The following DIP2C variants were observed in gnomAD, a reference collection of about 807,000 sequenced individuals.
DIP2C encodes the protein disco-interacting protein 2 homolog C.
Under a neutral mutation model 192.4 loss-of-function variants are expected in DIP2C, and 33 were observed. That is an observed-to-expected ratio of 0.17 (90% CI 0.13 to 0.23). DIP2C has a LOEUF of 0.23. Among genes scored for constraint, DIP2C ranks in the 10% least tolerant of loss-of-function variants. The pLI is 1.00. For missense variants in DIP2C, 1,537 were observed against 2,110.1 expected, an observed-to-expected ratio of 0.73 and a Z score of 5.32; for synonymous variants, 979 against 864.1, an observed-to-expected ratio of 1.13 and a Z score of -2.33.
chr10:531,726 T>C (rs2130861501), intron 1 of DIP2C, among the ~76,000 whole-genome samples: 1 of 152,138 alleles, frequency 6.6e-6, no homozygotes, highest in South Asian at 2.1e-4. Context: ...GCAGATATCA[T>C]ACGCTCTGCC....
chr10:393,755 G>A (rs1963679961), intron 10 of DIP2C, among the ~76,000 whole-genome samples: 1 of 140,062 alleles, frequency 7.1e-6, no homozygotes, highest in African/African-American at 2.7e-5. Context: ...CTCCAGCCTG[G>A]GTGACAGAGC....
At chr10:387,714 G>T in intron 14 of DIP2C, 31 bp downstream of exon 14, 1 of 1,612,730 alleles carries the variant, frequency 6.2e-7, no homozygotes, top group Admixed American at 1.7e-5. Flanking sequence ...ACTCCTTTGT[G>T]GACAGACACG....
At position 344,910 on chromosome 10, in the gene DIP2C, G is replaced by C. The variant is rs761834214; in HGVS notation, c.3352C>G (p.Pro1118Ala). 5.0e-6 allele frequency: 8 copies of C among 1,606,558 alleles called. No homozygotes were observed. The highest frequency in any genetic ancestry group is 6.8e-6 in the Non-Finnish European group (8 of 1,177,406). Residue 1118 changes from proline (P) to alanine (A), a missense_variant, in exon 28 of 37, where the codon CCA becomes GCA. By Grantham distance (27) the Pro-to-Ala change is conservative. Coordinates refer to ENST00000280886, the MANE Select transcript of DIP2C (RefSeq NM_014974.3). Reference sequence around the variant, plus strand: ...CAGATCTGGGCAGGCCGCTTCTTTGGCAAATCATCTGGAGAGGAACATGAC... The same window carrying C: ...CAGATCTGGGCAGGCCGCTTCTTTGCCAAATCATCTGGAGAGGAACATGAC... Reference protein sequence around the residue: ...WPLILDTDDLPKKRPAQICKP... With the variant: ...WPLILDTDDLAKKRPAQICKP...
intron 1 of DIP2C, among the ~76,000 whole-genome samples, chr10:581,306 ATG>A (rs948319207): frequency 3.3e-5 from 5 of 152,212 alleles, no homozygotes; most frequent in African/African-American, 9.7e-5. Flanking sequence ...AACTTTCTAA[ATG>A]AGAGATGGCA....
intron 1 of DIP2C, among the ~76,000 whole-genome samples, chr10:560,934 T>C (rs1435786429): frequency 1.3e-5 from 2 of 152,210 alleles, no homozygotes; most frequent in Non-Finnish European, 2.9e-5. Flanking sequence ...TCCCTCCACA[T>C]GACAAAGCCT....
chr10:311,144 G>A (rs936777638), intron 31 of DIP2C, among the ~76,000 whole-genome samples: 17 of 152,146 alleles, frequency 1.1e-4, no homozygotes, highest in African/African-American at 3.6e-4. Flanking sequence ...CCCGGCGGAC[G>A]CTCCCAGTGA....
At chr10:460,467 G>A (rs1310496068) in intron 3 of DIP2C, among the ~76,000 whole-genome samples, 1 of 152,194 alleles carries the variant, frequency 6.6e-6, no homozygotes, top group Non-Finnish European at 1.5e-5. Context: ...ACAAAGTAAG[G>A]TCATGGGTTT....
intron 1 of DIP2C, among the ~76,000 whole-genome samples, chr10:546,732 G>C (rs1848304665): frequency 6.6e-6 from 1 of 152,000 alleles, no homozygotes; most frequent in Admixed American, 6.6e-5. Context: ...ACACGATTTT[G>C]TAACTGGTTA....
At chr10:396,548 T>C (rs1963998544) in intron 10 of DIP2C, among the ~76,000 whole-genome samples, 1 of 152,214 alleles carries the variant, frequency 6.6e-6, no homozygotes, top group Non-Finnish European at 1.5e-5. Flanking sequence ...CTGCAAATCA[T>C]CATTTCACTG....
rs1433217685 is a variant in DIP2C at position 422,944 on chromosome 10, G to A, written c.484C>T (p.His162Tyr). Residue 162 changes from histidine to tyrosine, a missense_variant, in exon 5 of 37, where the codon CAC (histidine) becomes TAC (tyrosine). Physicochemically the swap from His to Tyr is moderately conservative, Grantham distance 83. This residue lies in a region of DIP2C where 473 missense variants were observed against 539.6 expected (regional missense o/e 0.88). Coordinates refer to ENST00000280886, the MANE Select transcript of DIP2C (RefSeq NM_014974.3). ...CCGTGGATGGCCTGGCTGATCCAGT[G>A]CTCCATATTGATGCTGCCCTGGCTG... The part of the protein sequence containing the change: ...TSSQGSINME[H>Y]WISQAIHGST... The A allele has an allele frequency of 6.2e-7, 1 of 1,614,184 alleles. No homozygotes were observed. Among genetic ancestry groups the A allele is most frequent in the East Asian group, 2.2e-5 (1 of 44,888 alleles).
At chr10:661,124 G>A (rs917824977) in intron 1 of DIP2C, among the ~76,000 whole-genome samples, 1 of 152,232 alleles carries the variant, frequency 6.6e-6, no homozygotes, top group Non-Finnish European at 1.5e-5. Flanking sequence ...CACGCACAGT[G>A]TTGGGAAAAG....
At chr10:621,456 G>A (rs1003612747) in intron 1 of DIP2C, among the ~76,000 whole-genome samples, 3 of 150,568 alleles carry the variant, frequency 2.0e-5, no homozygotes, top group African/African-American at 2.5e-5. Flanking sequence ...GTGCACACAC[G>A]CTCTGTATGC....
intron 24 of DIP2C, among the ~76,000 whole-genome samples, chr10:352,807 G>A (rs575811390): frequency 1.3e-5 from 2 of 152,224 alleles, no homozygotes; most frequent in South Asian, 2.1e-4. Flanking sequence ...GTGGTTGAAC[G>A]GGACACAGCT....
At chr10:400,392 A>G (rs1964322557) in intron 9 of DIP2C, among the ~76,000 whole-genome samples, 1 of 152,222 alleles carries the variant, frequency 6.6e-6, no homozygotes. Context: ...CTTCGATGAT[A>G]GAGTGTTAAT....
chr10:468,510 C>CA (rs1970396823), intron 3 of DIP2C, among the ~76,000 whole-genome samples: 1 of 152,168 alleles, frequency 6.6e-6, no homozygotes, highest in Non-Finnish European at 1.5e-5. Flanking sequence ...CCTGTAATCC[C>CA]AGCACGTTGG....
intron 1 of DIP2C, among the ~76,000 whole-genome samples, chr10:500,112 T>G (rs1327423340): frequency 1.3e-5 from 2 of 152,226 alleles, no homozygotes; most frequent in Admixed American, 1.3e-4. Context: ...TCACAGCAGA[T>G]GTGGGTTCAG....
chr10:478,540 G>T lies in DIP2C; in HGVS notation c.158-5991C>A, dbSNP rs1054921264. ...ACTCATCCAGTGTCCAGGCATGCTG[G>T]GGGTGTAGACACATCCAAATTCCTG... On this transcript the variant is annotated intron_variant, in intron 2 of 36. Transcript: ENST00000280886. Among the ~76,000 whole-genome samples, 181 of 151,390 alleles carry T rather than the reference G, an allele frequency of 1.2e-3. 1 individual carries two copies. Among genetic ancestry groups the T allele is most frequent in the Non-Finnish European group, 5.2e-4 (35 of 67,844 alleles).
chr10:511,430 A>C (rs1846004952), intron 1 of DIP2C, among the ~76,000 whole-genome samples: 1 of 152,272 alleles, frequency 6.6e-6, no homozygotes, highest in Non-Finnish European at 1.5e-5. Flanking sequence ...ACGTAAAATA[A>C]CCAACAAGAT....
At chr10:438,332 C>T (rs1219419423) in intron 4 of DIP2C, among the ~76,000 whole-genome samples, 1 of 152,022 alleles carries the variant, frequency 6.6e-6, no homozygotes, top group African/African-American at 2.4e-5. Context: ...ATGTGTGTTG[C>T]CTTAAATAAC....
Sources: allele counts gnomAD v4.1 joint callset (sites outside exome capture counted in the v4.1 genomes callset), GRCh38; gene constraint gnomAD v4.1.1; regional missense constraint gnomAD v4.1.1; transcripts MANE v1.5; gene names NCBI Gene and HGNC (gene_info 2026-07-23, HGNC 2026-07-21).